The following FMN2 variants were observed in gnomAD, a reference collection of about 807,000 sequenced individuals.
The protein encoded by FMN2 is formin 2, also known as formin-2.
FMN2 carries 51 observed loss-of-function variants against 142.3 expected under a neutral mutation model. The ratio of observed to expected loss-of-function variants is 0.36; its 90% confidence interval spans 0.29 to 0.45. The LOEUF (loss-of-function observed/expected upper bound fraction) is 0.45, where lower values mean the gene tolerates loss of function less well. Ranked by LOEUF, FMN2 falls within the 20% of genes least tolerant of loss-of-function variation. FMN2 has a pLI of 1.00. For missense variants in FMN2, 1,936 were observed against 2,122.8 expected (o/e 0.91, Z 1.73); for synonymous variants, 882 against 869.8 (o/e 1.01, Z -0.25).
intron 2 of FMN2, chr1:240,143,756 G>T: frequency 6.6e-7 from 1 of 1,518,004 alleles, no homozygotes; most frequent in Non-Finnish European, 9.1e-7. Context: ...CTCCCTGATG[G>T]TCTGAAGGAT....
chr1:240,244,232 A>G (rs1668007244), intron 6 of FMN2, among the ~76,000 whole-genome samples: 3 of 152,214 alleles, frequency 2.0e-5, no homozygotes, highest in Admixed American at 2.0e-4. Flanking sequence ...GAATCAGGAA[A>G]CTAAAACTTT....
At chr1:240,102,463 T>C (rs1661449049) in intron 1 of FMN2, among the ~76,000 whole-genome samples, 1 of 152,210 alleles carries the variant, frequency 6.6e-6, no homozygotes, top group Non-Finnish European at 1.5e-5. Flanking sequence ...ACCTATATAC[T>C]TGTAGATAAT....
At chr1:240,343,548 A>AT (rs1429341102) in intron 13 of FMN2, among the ~76,000 whole-genome samples, 3 of 152,194 alleles carry the variant, frequency 2.0e-5, no homozygotes, top group Non-Finnish European at 1.5e-5. Flanking sequence ...CCGTGATAAA[A>AT]TAGGAGCAGG....
intron 2 of FMN2, among the ~76,000 whole-genome samples, chr1:240,153,309 G>A (rs192264021): frequency 4.3e-4 from 65 of 151,608 alleles, no homozygotes; most frequent in African/African-American, 1.5e-3. Flanking sequence ...GGACTTTTTC[G>A]GGCAAAATTC....
At chr1:240,353,085 AAC>A (rs1195722705) in intron 13 of FMN2, among the ~76,000 whole-genome samples, 1 of 150,534 alleles carries the variant, frequency 6.6e-6, no homozygotes, top group African/African-American at 2.4e-5. Flanking sequence ...CCTTGAGATC[AAC>A]ACAGAGAATG....
At chr1:240,443,451 T>G (rs1317745455) in intron 16 of FMN2, among the ~76,000 whole-genome samples, 1 of 152,230 alleles carries the variant, frequency 6.6e-6, no homozygotes, top group Non-Finnish European at 1.5e-5. Flanking sequence ...AGGCCAGGCA[T>G]GGTGGCTCAT....
chr1:240,294,962 G>A, intron 8 of FMN2, 79 bp downstream of exon 8: 1 of 1,276,070 alleles, frequency 7.8e-7, no homozygotes, highest in Non-Finnish European at 1.1e-6. Flanking sequence ...TAGGCTCTTT[G>A]TTTTAAGGTC....
intron 6 of FMN2, among the ~76,000 whole-genome samples, chr1:240,232,132 C>T (rs1198036512): frequency 4.6e-5 from 7 of 151,836 alleles, no homozygotes; most frequent in African/African-American, 7.3e-5. Flanking sequence ...TGCAATGATG[C>T]GATCTCAGCT....
chr1:240,374,064 G>A (rs374338504), intron 14 of FMN2, among the ~76,000 whole-genome samples: 2 of 152,144 alleles, frequency 1.3e-5, no homozygotes, highest in East Asian at 3.9e-4. Context: ...GAGCTTTTGG[G>A]TGACCAGGTT....
chr1:240,261,133 C>T (rs1478727735), intron 7 of FMN2, among the ~76,000 whole-genome samples: 1 of 152,106 alleles, frequency 6.6e-6, no homozygotes, highest in Non-Finnish European at 1.5e-5. Context: ...ATACCAGTAC[C>T]ATGCTGTTTT....
At chr1:240,329,041 G>A (rs773075905) in intron 8 of FMN2, 35 bp from the exon 9 acceptor site, 9 of 1,593,770 alleles carry the variant, frequency 5.6e-6, no homozygotes, top group Non-Finnish European at 5.2e-6. Context: ...CAGTTGGCCA[G>A]ACTTTGAAAA....
intron 1 of FMN2, among the ~76,000 whole-genome samples, chr1:240,103,978 G>C (rs556424025): frequency 6.6e-6 from 1 of 151,704 alleles, no homozygotes; most frequent in Admixed American, 6.6e-5. Flanking sequence ...CCAGGTTCAC[G>C]CCATTCTCCT....
intron 6 of FMN2, among the ~76,000 whole-genome samples, chr1:240,255,028 C>T (rs928692859): frequency 5.3e-5 from 8 of 152,182 alleles, no homozygotes; most frequent in Non-Finnish European, 7.3e-5. Context: ...CTGTGCAGGC[C>T]GCGGGGTTCT....
chr1:240,105,402 C>T (rs772332853), intron 1 of FMN2, among the ~76,000 whole-genome samples: 7 of 152,206 alleles, frequency 4.6e-5, no homozygotes, highest in African/African-American at 7.2e-5. Flanking sequence ...AGCCACTGCA[C>T]CCGGCCTCCA....
chr1:240,443,374 CTA>C (rs1345648285), intron 16 of FMN2, among the ~76,000 whole-genome samples: 1 of 152,164 alleles, frequency 6.6e-6, no homozygotes, highest in Non-Finnish European at 1.5e-5. Flanking sequence ...AAAAAACAAT[CTA>C]GACTTGTCAT....
intron 3 of FMN2, chr1:240,179,491 A>C (rs1665063217): frequency 7.0e-6 from 1 of 143,444 alleles, no homozygotes; most frequent in African/African-American, 2.8e-5. Context: ...ATGAACAACA[A>C]ATGAGAGAGA....
chr1:240,440,453 T>C (rs1675571998), intron 16 of FMN2, among the ~76,000 whole-genome samples: 1 of 152,138 alleles, frequency 6.6e-6, no homozygotes. Flanking sequence ...AGAATGAGCT[T>C]TCCTTCACTC....
intron 8 of FMN2, among the ~76,000 whole-genome samples, chr1:240,302,511 A>G (rs1670234239): frequency 6.6e-6 from 1 of 152,112 alleles, no homozygotes. Flanking sequence ...AAGAAAATGG[A>G]AATAAGACAT....
In FMN2 at chr1:240,435,838, C is replaced by T. The variant is rs141057726; in HGVS notation, c.4911-2223C>T. Among the ~76,000 whole-genome samples the T allele has an allele frequency of 1.0e-3, 156 of 152,222 alleles. No homozygotes were observed. The East Asian group carries it at 0.018, about 18-fold the overall frequency. On this transcript the variant is annotated intron_variant, in intron 15 of 17. Coordinates refer to ENST00000319653, the MANE Select transcript of FMN2 (RefSeq NM_020066.5). The stretch of plus-strand genomic sequence containing the variant: ...AACTGACTGGGTGAACTAGCTATTG[C>T]GACTTACATATGGCTACCCAAACAG...
Sources: allele counts gnomAD v4.1 joint callset (sites outside exome capture counted in the v4.1 genomes callset), GRCh38; gene constraint gnomAD v4.1.1; transcripts MANE v1.5; gene names NCBI Gene and HGNC (gene_info 2026-07-23, HGNC 2026-07-21).